The following KIRREL1 variants were observed in gnomAD, a reference collection of about 807,000 sequenced individuals.
KIRREL1 encodes kirre like nephrin family adhesion molecule 1, also known as kin of IRRE-like protein 1.
In KIRREL1, 25 loss-of-function variants were observed where a neutral mutation model predicts 83.3. The ratio of observed to expected loss-of-function variants is 0.30; its 90% CI spans 0.22 to 0.42. The LOEUF (loss-of-function observed/expected upper bound fraction) is 0.42, where lower values mean the gene tolerates loss of function less well. Ranked by LOEUF, KIRREL1 falls within the 10% of genes least tolerant of loss-of-function variation. The probability of loss-of-function intolerance (pLI) is 1.00; values close to 1 mark genes in which losing one functional copy is unlikely to be tolerated. For synonymous variants in KIRREL1, 388 were observed against 410.4 expected (o/e 0.95, Z 0.66); for missense variants, 812 against 1,032.3 (o/e 0.79, Z 2.92).
intron 4 of KIRREL1, 116 bp downstream of exon 4, chr1:158,084,695 G>A (rs1661970241): frequency 1.8e-6 from 2 of 1,087,978 alleles, no homozygotes; most frequent in South Asian, 1.7e-5. Flanking sequence ...GGGTCTTAGA[G>A]GTCATCTGGT....
At chr1:158,047,398 A>T (rs1660805133) in intron 1 of KIRREL1, among the ~76,000 whole-genome samples, 1 of 152,120 alleles carries the variant, frequency 6.6e-6, no homozygotes, top group South Asian at 2.1e-4. Flanking sequence ...GGTTCAGGGG[A>T]AGGTCAGGCT....
chr1:158,012,530 C>T (rs959782163), intron 1 of KIRREL1, among the ~76,000 whole-genome samples: 4 of 152,336 alleles, frequency 2.6e-5, no homozygotes, highest in Admixed American at 1.3e-4. Context: ...TTGTTAAATA[C>T]TAACCTTTTT....
chr1:158,038,485 CTTTTTTTT>C (rs11340189), intron 1 of KIRREL1, among the ~76,000 whole-genome samples: 8 of 68,084 alleles, frequency 1.2e-4, no homozygotes, highest in East Asian at 6.2e-4. Context: ...GGCTCTTCCT[CTTTTTTTT>C]TTTTTTTTTT....
chr1:158,030,492 G>A (rs1660292604), intron 1 of KIRREL1, among the ~76,000 whole-genome samples: 1 of 152,192 alleles, frequency 6.6e-6, no homozygotes, highest in African/African-American at 2.4e-5. Context: ...TCCCCAGGGA[G>A]CCCAAAGTTC....
chr1:158,045,577 C>G (rs780809887), intron 1 of KIRREL1, among the ~76,000 whole-genome samples: 1 of 152,180 alleles, frequency 6.6e-6, no homozygotes, highest in South Asian at 2.1e-4. Flanking sequence ...ATGGAGCTTC[C>G]GTGCCCTCTC....
chr1:158,066,163 C>T (rs1243922252), intron 1 of KIRREL1, among the ~76,000 whole-genome samples: 16 of 152,072 alleles, frequency 1.1e-4, no homozygotes, highest in African/African-American at 3.6e-4. Flanking sequence ...CCAAAGCCAC[C>T]GGGAATTTGG....
At chr1:158,038,146 G>A (rs886092620) in intron 1 of KIRREL1, among the ~76,000 whole-genome samples, 1 of 152,224 alleles carries the variant, frequency 6.6e-6, no homozygotes, top group African/African-American at 2.4e-5. Flanking sequence ...TCCTGCTGGA[G>A]GAATAGAGGT....
chr1:158,096,357 G>GT lies in KIRREL1; in HGVS notation c.*1242dup. 2.8e-6 allele frequency: 1 copy of GT among 354,538 alleles called. No individual in the cohort carries two copies. Among genetic ancestry groups the GT allele is most frequent in the Non-Finnish European group, 5.5e-6 (1 of 180,984 alleles). 22.0% of individuals were successfully genotyped at this position (354,538 alleles called of 1,614,324 possible). On this transcript the variant is annotated 3_prime_UTR_variant, in exon 15 of 15. Transcript: ENST00000359209. ...CAGGGGGTATGGGAGACAGGTTTTG[G>GT]TTTTTAAGTGTCTTTTTTTTTTTTC...
chr1:158,060,188 C>T (rs1050017200), intron 1 of KIRREL1, among the ~76,000 whole-genome samples: 4 of 152,330 alleles, frequency 2.6e-5, no homozygotes, highest in South Asian at 2.1e-4. Flanking sequence ...GCTCCTCCTT[C>T]GCCTTTCCCA....
At chr1:158,053,218 TG>T (rs1439753172) in intron 1 of KIRREL1, among the ~76,000 whole-genome samples, 5 of 152,214 alleles carry the variant, frequency 3.3e-5, no homozygotes, top group African/African-American at 1.2e-4. Context: ...AGGAGGCATG[TG>T]GGATTCTACT....
chr1:158,074,630 G>A (rs930077228), intron 1 of KIRREL1, among the ~76,000 whole-genome samples: 4 of 152,148 alleles, frequency 2.6e-5, no homozygotes, highest in Admixed American at 2.6e-4. Flanking sequence ...TGACGCGACC[G>A]GTTATATTTG....
At chr1:158,085,163 A>G (rs1661979911) in intron 4 of KIRREL1, among the ~76,000 whole-genome samples, 1 of 152,234 alleles carries the variant, frequency 6.6e-6, no homozygotes, top group African/African-American at 2.4e-5. Flanking sequence ...AAAGATATCA[A>G]GTGACTTGCC....
chr1:158,033,478 G>A (rs558808515), intron 1 of KIRREL1, among the ~76,000 whole-genome samples: 2 of 152,324 alleles, frequency 1.3e-5, no homozygotes, highest in South Asian at 4.1e-4. Flanking sequence ...GGAGCACCTT[G>A]CAGTTCTGGG....
At chr1:158,026,966 A>G (rs966790988) in intron 1 of KIRREL1, among the ~76,000 whole-genome samples, 1 of 152,168 alleles carries the variant, frequency 6.6e-6, no homozygotes, top group Admixed American at 6.5e-5. Flanking sequence ...CCAGTAAGCA[A>G]GCAATCCTTT....
chr1:158,066,012 C>CT (rs533651645), intron 1 of KIRREL1, among the ~76,000 whole-genome samples: 81 of 146,992 alleles, frequency 5.5e-4, no homozygotes, highest in Middle Eastern at 3.5e-3. Context: ...CTCTCATCAC[C>CT]TTTTTTTTTT....
intron 1 of KIRREL1, among the ~76,000 whole-genome samples, chr1:158,064,301 A>G (rs1475387310): frequency 6.6e-6 from 1 of 152,208 alleles, no homozygotes; most frequent in African/African-American, 2.4e-5. Flanking sequence ...TGCCATGGGG[A>G]AAAGGTTTTA....
rs1662412724 is a variant in KIRREL1, at chr1:158,098,563, TGGATCTTGAGGA to T, written c.*3452_*3463del. ...GGTACAACAGCTTTGGAATACATTC[TGGATCTTGAGGA>T]GGATCTTGTGATTTTGGCTGAGCCA... On this transcript the variant is annotated 3_prime_UTR_variant, in exon 15 of 15. Coordinates refer to ENST00000359209, the MANE Select transcript of KIRREL1 (RefSeq NM_018240.7). 1 of 152,274 alleles carries T rather than the reference TGGATCTTGAGGA, an allele frequency of 6.6e-6. No individual in the cohort carries two copies. The highest frequency in any genetic ancestry group is 6.5e-5 in the Admixed American group (1 of 15,290). 9.4% of individuals were successfully genotyped at this position (152,274 alleles called of 1,614,324 possible). A position where few individuals can be genotyped will look rare whatever the true frequency, so the allele number is the denominator to read the frequency against.
chr1:158,041,366 G>C (rs1019373055), intron 1 of KIRREL1, among the ~76,000 whole-genome samples: 1 of 152,190 alleles, frequency 6.6e-6, no homozygotes, highest in Non-Finnish European at 1.5e-5. Flanking sequence ...AGATAGGTTT[G>C]AACCAAGGGA....
intron 1 of KIRREL1, among the ~76,000 whole-genome samples, chr1:158,009,309 C>A (rs994586947): frequency 6.6e-6 from 1 of 152,140 alleles, no homozygotes; most frequent in South Asian, 2.1e-4. Flanking sequence ...GAGGTGGATC[C>A]TACTTCTTTG....
Sources: allele counts gnomAD v4.1 joint callset (sites outside exome capture counted in the v4.1 genomes callset), GRCh38; gene constraint gnomAD v4.1.1; transcripts MANE v1.5; gene names NCBI Gene and HGNC (gene_info 2026-07-23, HGNC 2026-07-21).